Variants in OSBPL1A observed in about 807,000 individuals in gnomAD.
The protein encoded by OSBPL1A is oxysterol-binding protein-related protein 1.
In OSBPL1A, 80 loss-of-function variants were observed where a neutral mutation model predicts 137.1. The ratio of observed to expected loss-of-function variants is 0.58; its 90% CI spans 0.49 to 0.70. The LOEUF is 0.70. OSBPL1A is among the 30% of genes least tolerant of loss of function. The pLI, the probability that OSBPL1A is intolerant of heterozygous loss-of-function variation, is 0.00. For missense variants in OSBPL1A, 970 were observed against 1,129.4 expected (o/e 0.86, Z 2.02); for synonymous variants, 365 against 389.7 (o/e 0.94, Z 0.75).
intron 5 of OSBPL1A, 60 bp from the exon 6 acceptor site, chr18:24,334,390 T>C: frequency 1.5e-6 from 2 of 1,342,990 alleles, no homozygotes; most frequent in Non-Finnish European, 2.0e-6. Flanking sequence ...AAATTCATTA[T>C]AAAGAATAAA....
chr18:24,259,608 G>A (rs1190491093), intron 15 of OSBPL1A, among the ~76,000 whole-genome samples: 1 of 152,106 alleles, frequency 6.6e-6, no homozygotes, highest in Non-Finnish European at 1.5e-5. Flanking sequence ...CTGCCATACA[G>A]GCCCAGACTG....
chr18:24,360,542 T>C (rs1054476431), intron 4 of OSBPL1A, among the ~76,000 whole-genome samples: 4 of 152,164 alleles, frequency 2.6e-5, no homozygotes, highest in African/African-American at 9.7e-5. Context: ...AACACAATCA[T>C]GTAACTTCAG....
intron 6 of OSBPL1A, 72 bp from the exon 7 acceptor site, chr18:24,333,158 G>A (rs1223258680): frequency 2.6e-6 from 4 of 1,526,520 alleles, no homozygotes; most frequent in Non-Finnish European, 3.6e-6. Context: ...TCACAGGAGG[G>A]TGTATCAGCA....
chr18:24,181,150 T>A lies in OSBPL1A; in HGVS notation c.1807A>T (p.Met603Leu). 2.5e-6 allele frequency: 4 copies of A among 1,613,898 alleles called. No individual in the cohort carries two copies. Among genetic ancestry groups the A allele is most frequent in the South Asian group, 1.1e-5 (1 of 90,974 alleles). Residue 603 changes from methionine to leucine, a missense_variant, in exon 19 of 28, where the codon ATG (methionine) becomes TTG (leucine). By Grantham distance (15) the Met-to-Leu change is conservative. Transcript: ENST00000319481. Reference sequence around the variant, plus strand: ...TTTCCTCCCTTGGCTCATACCTGCATCCTTTCCACAGGATCAGAGAGTGAA... The same window carrying A: ...TTTCCTCCCTTGGCTCATACCTGCAACCTTTCCACAGGATCAGAGAGTGAA... ...ASSLSDPVER[M>L]QCVAAFAVSA...
intron 4 of OSBPL1A, among the ~76,000 whole-genome samples, chr18:24,354,748 C>CAAAAAAAAAA (rs59694707): frequency 8.4e-4 from 65 of 77,034 alleles, no homozygotes; most frequent in Non-Finnish European, 1.1e-3. Context: ...CTCAATATAG[C>CAAAAAAAAAA]AAAAAAAAAA....
chr18:24,319,686 A>T (rs1411396271), intron 7 of OSBPL1A, among the ~76,000 whole-genome samples: 1 of 152,058 alleles, frequency 6.6e-6, no homozygotes, highest in Non-Finnish European at 1.5e-5. Context: ...AGGTAAAAAA[A>T]CAAACAAACA....
At chr18:24,231,444 C>G (rs2088276636) in intron 16 of OSBPL1A, among the ~76,000 whole-genome samples, 1 of 152,132 alleles carries the variant, frequency 6.6e-6, no homozygotes, top group African/African-American at 2.4e-5. Context: ...AGGCGCCCAC[C>G]ACCACGCCCA....
chr18:24,298,785 T>C (rs1332022252), intron 14 of OSBPL1A, among the ~76,000 whole-genome samples: 1 of 152,220 alleles, frequency 6.6e-6, no homozygotes, highest in African/African-American at 2.4e-5. Flanking sequence ...TGTTTCTTTG[T>C]TGACTTTCTG....
chr18:24,250,021 A>G (rs1378415596), intron 15 of OSBPL1A, among the ~76,000 whole-genome samples: 1 of 152,162 alleles, frequency 6.6e-6, no homozygotes, highest in Non-Finnish European at 1.5e-5. Context: ...CTTAAGGAGA[A>G]GAGGGCGAAG....
chr18:24,286,909 G>A (rs1200642406), intron 14 of OSBPL1A, among the ~76,000 whole-genome samples: 1 of 152,188 alleles, frequency 6.6e-6, no homozygotes, highest in African/African-American at 2.4e-5. Flanking sequence ...AGAGCTTGCT[G>A]TCTAGCAAGG....
intron 18 of OSBPL1A, 128 bp from the exon 19 acceptor site, chr18:24,181,407 A>C: frequency 9.9e-7 from 1 of 1,010,722 alleles, no homozygotes; most frequent in Non-Finnish European, 1.4e-6. Context: ...TTTCATCAAT[A>C]TTGGTTCAAT....
intron 5 of OSBPL1A, among the ~76,000 whole-genome samples, chr18:24,335,735 C>T (rs780472133): frequency 1.6e-4 from 25 of 152,170 alleles, no homozygotes; most frequent in Non-Finnish European, 3.4e-4. Context: ...AACAGATGAA[C>T]ATTTGTTAAC....
chr18:24,213,727 A>T (rs1408834698), intron 17 of OSBPL1A, among the ~76,000 whole-genome samples: 6 of 152,196 alleles, frequency 3.9e-5, no homozygotes, highest in Admixed American at 2.6e-4. Flanking sequence ...CTACACAATA[A>T]AAAGGTTAGG....
At chr18:24,320,295 C>T (rs969691707) in intron 7 of OSBPL1A, among the ~76,000 whole-genome samples, 1 of 152,066 alleles carries the variant, frequency 6.6e-6, no homozygotes, top group African/African-American at 2.4e-5. Context: ...GTGGGAAAGA[C>T]AGATGATAAA....
intron 1 of OSBPL1A, among the ~76,000 whole-genome samples, chr18:24,390,537 A>C (rs1185846256): frequency 6.6e-6 from 1 of 151,356 alleles, no homozygotes; most frequent in Admixed American, 6.6e-5. Flanking sequence ...TCTATTAAAA[A>C]TACAAAAATT....
intron 15 of OSBPL1A, among the ~76,000 whole-genome samples, chr18:24,252,051 T>C (rs905889100): frequency 1.1e-4 from 16 of 151,678 alleles, no homozygotes; most frequent in African/African-American, 3.9e-4. Flanking sequence ...GAACAAAAAA[T>C]GATGAAGCAT....
intron 14 of OSBPL1A, among the ~76,000 whole-genome samples, chr18:24,301,039 C>G (rs1449943759): frequency 6.6e-6 from 1 of 152,148 alleles, no homozygotes; most frequent in Admixed American, 6.5e-5. Flanking sequence ...AAAAGACTAT[C>G]CTGTACAAAC....
chr18:24,288,289 A>C (rs769370723), intron 14 of OSBPL1A, among the ~76,000 whole-genome samples: 20 of 152,222 alleles, frequency 1.3e-4, no homozygotes, highest in Non-Finnish European at 2.6e-4. Flanking sequence ...GAAGGAAGGA[A>C]TAGTTAAGAG....
At chr18:24,226,753 C>T (rs2088090394) in intron 16 of OSBPL1A, among the ~76,000 whole-genome samples, 1 of 152,044 alleles carries the variant, frequency 6.6e-6, no homozygotes. Flanking sequence ...CAACGCTGGA[C>T]CCTATAAATG....
Sources: allele counts gnomAD v4.1 joint callset (sites outside exome capture counted in the v4.1 genomes callset), GRCh38; gene constraint gnomAD v4.1.1; transcripts MANE v1.5; gene names NCBI Gene and HGNC (gene_info 2026-07-23, HGNC 2026-07-21).